The following AOPEP variants were observed in gnomAD, a reference collection of about 807,000 sequenced individuals.
AOPEP encodes aminopeptidase O.
In AOPEP, 77 loss-of-function variants were observed where a neutral mutation model predicts 98.1. The observed-to-expected ratio is 0.78, with a 90% CI of 0.65 to 0.95. The LOEUF is 0.95. Ranked by LOEUF, AOPEP falls within the 40% of genes least tolerant of loss-of-function variation. The pLI, the probability that AOPEP is intolerant of heterozygous loss-of-function variation, is 0.00. For missense variants in AOPEP, 1,024 were observed against 1,024.7 expected (o/e 1.00, Z 0.01); for synonymous variants, 346 against 365.3 (o/e 0.95, Z 0.60).
intron 13 of AOPEP, among the ~76,000 whole-genome samples, chr9:95,028,423 G>A (rs953963970): frequency 4.6e-5 from 7 of 152,192 alleles, no homozygotes; most frequent in African/African-American, 1.2e-4. Context: ...GGAGAATTAC[G>A]TCACTACCCA....
At chr9:94,932,180 G>A in intron 7 of AOPEP, 1 of 989,722 alleles carries the variant, frequency 1.0e-6, no homozygotes, top group Non-Finnish European at 1.2e-6. Context: ...GGTATCTTGG[G>A]CTCTGGAAGG....
chr9:94,858,083 GA>G lies in AOPEP; in HGVS notation c.1364+57095del, dbSNP rs77077177. ...CCTGAAGCATTTCTAGTTCTAGTTT[GA>G]AAAAAAAAAAAAACAAAAACACATT... On this transcript the variant is annotated intron_variant, in intron 5 of 16. Transcript: ENST00000375315. Among the ~76,000 whole-genome samples, 212 of 119,214 alleles carry G rather than the reference GA, an allele frequency of 1.8e-3. 3 individuals are homozygous for G. Among genetic ancestry groups the G allele is most frequent in the Middle Eastern group, 4.6e-3 (1 of 218 alleles). The allele number at this position is 119,214 out of a possible 152,430, so 78.2% of individuals were successfully genotyped here.
chr9:94,822,382 T>C (rs1035650538), intron 5 of AOPEP, among the ~76,000 whole-genome samples: 2 of 152,188 alleles, frequency 1.3e-5, no homozygotes, highest in Non-Finnish European at 2.9e-5. Flanking sequence ...AAAAGAAAAG[T>C]TTAAGGAAGT....
chr9:94,784,924 ATATTTTATTT>A (rs536497178), intron 3 of AOPEP, among the ~76,000 whole-genome samples: 9 of 137,730 alleles, frequency 6.5e-5, no homozygotes, highest in Admixed American at 1.5e-4. Context: ...GCCCAGAACT[ATATTTTATTT>A]TATTTTATTT....
At chr9:94,905,391 G>A (rs1395826673) in intron 5 of AOPEP, among the ~76,000 whole-genome samples, 1 of 152,146 alleles carries the variant, frequency 6.6e-6, no homozygotes, top group East Asian at 1.9e-4. Flanking sequence ...CACAGTTATG[G>A]TTCAGATTGC....
intron 5 of AOPEP, among the ~76,000 whole-genome samples, chr9:94,833,870 ATAAAT>A (rs2041226487): frequency 2.0e-5 from 3 of 151,644 alleles, no homozygotes; most frequent in Admixed American, 2.0e-4. Flanking sequence ...AATGTAGCTA[ATAAAT>A]TAAGTAATGG....
At chr9:94,762,413 C>G (rs948836073) in intron 2 of AOPEP, among the ~76,000 whole-genome samples, 38 of 151,204 alleles carry the variant, frequency 2.5e-4, no homozygotes, top group Non-Finnish European at 5.0e-4. Context: ...TGCCACTGCA[C>G]TCCAGCCTGG....
chr9:94,770,019 G>A (rs949313009), intron 2 of AOPEP, among the ~76,000 whole-genome samples: 4 of 152,170 alleles, frequency 2.6e-5, no homozygotes, highest in African/African-American at 7.2e-5. Flanking sequence ...ATATCTATGC[G>A]TCCTACTTCA....
chr9:95,143,780 A>C, the AOPEP span, among the ~76,000 whole-genome samples: 1 of 152,226 alleles, frequency 6.6e-6, no homozygotes, highest in South Asian at 2.1e-4. Context: ...AAAGGACCTC[A>C]GCAGCCCGCC....
chr9:94,952,572 A>G (rs1301803590), intron 7 of AOPEP, among the ~76,000 whole-genome samples: 2 of 152,214 alleles, frequency 1.3e-5, no homozygotes, highest in Non-Finnish European at 2.9e-5. Context: ...TGTGAGAGTC[A>G]TCTGTGTTAC....
intron 13 of AOPEP, among the ~76,000 whole-genome samples, chr9:95,035,507 ATTTTTTTTTTTTTTTTT>A (rs542840000): frequency 1.5e-5 from 1 of 67,950 alleles, no homozygotes; most frequent in African/African-American, 5.9e-5. Context: ...GCTTCAGATA[ATTTTTTTTTTTTTTTTT>A]TTTTTTTTTT....
chr9:94,901,640 C>T (rs555196649), intron 5 of AOPEP, among the ~76,000 whole-genome samples: 12 of 152,090 alleles, frequency 7.9e-5, no homozygotes, highest in Non-Finnish European at 1.5e-4. Flanking sequence ...TAACTTTTCA[C>T]GTAGAAAAGT....
chr9:94,928,320 G>A (rs1174884969), intron 6 of AOPEP, 105 bp from the exon 7 acceptor site: 1 of 782,342 alleles, frequency 1.3e-6, no homozygotes. Context: ...TGAGAGCAGG[G>A]GCAGGCTATC....
intron 5 of AOPEP, among the ~76,000 whole-genome samples, chr9:94,816,735 G>A (rs1298307283): frequency 1.3e-5 from 2 of 152,122 alleles, no homozygotes; most frequent in African/African-American, 4.8e-5. Flanking sequence ...CTAGACCTAG[G>A]TCTGGGTTAG....
chr9:95,025,732 TAAG>T (rs1415439328), intron 13 of AOPEP, among the ~76,000 whole-genome samples: 2 of 152,216 alleles, frequency 1.3e-5, no homozygotes, highest in Non-Finnish European at 2.9e-5. Context: ...GAGCTAAAGA[TAAG>T]AATTTCTGTA....
chr9:95,053,635 T>C (rs1051368884), intron 13 of AOPEP, among the ~76,000 whole-genome samples: 2 of 152,224 alleles, frequency 1.3e-5, no homozygotes, highest in Admixed American at 6.5e-5. Context: ...AAATGTATAC[T>C]CTCCTTCAAG....
the AOPEP span, among the ~76,000 whole-genome samples, chr9:95,129,140 G>GA: frequency 4.0e-5 from 6 of 151,530 alleles, no homozygotes; most frequent in Non-Finnish European, 5.9e-5. Flanking sequence ...TGACCTCACT[G>GA]AAAAAAAAGA....
intron 5 of AOPEP, among the ~76,000 whole-genome samples, chr9:94,826,703 A>ATGG (rs762593808): frequency 5.9e-5 from 9 of 152,040 alleles, no homozygotes; most frequent in African/African-American, 1.4e-4. Context: ...GATAATAATG[A>ATGG]TGGTGGTGGT....
At chr9:94,759,043 A>G (rs1228837920) in intron 1 of AOPEP, among the ~76,000 whole-genome samples, 1 of 152,192 alleles carries the variant, frequency 6.6e-6, no homozygotes, top group Non-Finnish European at 1.5e-5. Context: ...TATAAATTTG[A>G]AAAATCTCCG....
Sources: gnomAD v4.1 joint callset for allele counts (sites outside exome capture counted in the v4.1 genomes callset) on GRCh38, gnomAD v4.1.1 for gene constraint, MANE v1.5 for transcripts, NCBI Gene and HGNC (gene_info 2026-07-23, HGNC 2026-07-21) for gene names.